Variants in PGM5 observed in about 807,000 individuals in gnomAD.
PGM5 encodes the protein phosphoglucomutase 5, also known as phosphoglucomutase-like protein 5.
PGM5 carries 23 observed loss-of-function variants against 59.2 expected under a neutral mutation model. The observed-to-expected ratio is 0.39, with a 90% CI of 0.28 to 0.55. The LOEUF (loss-of-function observed/expected upper bound fraction) is 0.55. Among genes scored for constraint, PGM5 ranks in the 20% least tolerant of loss-of-function variants. The pLI is 0.66. For missense variants in PGM5, 574 were observed against 748.3 expected, an observed-to-expected ratio of 0.77 and a Z score of 2.72; for synonymous variants, 214 against 286.0, an observed-to-expected ratio of 0.75 and a Z score of 2.54.
Position 68,529,711 on chromosome 9 carries a change from C to A in PGM5, c.*55C>A. Reference sequence around the variant, plus strand: ...AGAGAGTGCTCAGCGGGAGATGCTTCACTGATGCCTTCTTGCTACCTGTTT... The same window carrying A: ...AGAGAGTGCTCAGCGGGAGATGCTTAACTGATGCCTTCTTGCTACCTGTTT... On this transcript the variant is annotated 3_prime_UTR_variant, in exon 11 of 11. Transcript: ENST00000396396. 1 of 1,063,362 alleles carries A rather than the reference C, an allele frequency of 9.4e-7. No homozygotes were observed. The highest frequency in any genetic ancestry group is 1.4e-6 in the Non-Finnish European group (1 of 735,082). The allele number at this position is 1,063,362 out of a possible 1,614,324, so 65.9% of individuals were successfully genotyped here. A position where few individuals can be genotyped will look rare whatever the true frequency, so the allele number is the denominator to read the frequency against.
chr9:68,359,741 T>C (rs1428253672), intron 1 of PGM5, among the ~76,000 whole-genome samples: 3 of 152,264 alleles, frequency 2.0e-5, no homozygotes, highest in African/African-American at 7.2e-5. Context: ...ATTTATTCTC[T>C]TTGAACTGAC....
At chr9:68,368,637 G>A (rs1834725504) in intron 1 of PGM5, among the ~76,000 whole-genome samples, 1 of 151,796 alleles carries the variant, frequency 6.6e-6, no homozygotes, top group African/African-American at 2.4e-5. Flanking sequence ...TTAGTTTTTA[G>A]GTTTTTTTTT....
intron 9 of PGM5, among the ~76,000 whole-genome samples, chr9:68,486,370 C>A (rs532608183): frequency 1.8e-4 from 28 of 152,218 alleles, no homozygotes; most frequent in African/African-American, 6.3e-4. Context: ...TCACCACAAC[C>A]AATTCAGAAC....
At chr9:68,361,104 A>G (rs4120148) in intron 1 of PGM5, among the ~76,000 whole-genome samples, 47,004 of 151,950 alleles carry the variant, frequency 0.31, 7,514 homozygotes, top group Admixed American at 0.36. Context: ...TTTTGTAGAG[A>G]TGGAGGTCTT....
intron 6 of PGM5, among the ~76,000 whole-genome samples, chr9:68,400,283 A>G (rs1443146888): frequency 2.0e-5 from 3 of 152,168 alleles, no homozygotes; most frequent in Non-Finnish European, 4.4e-5. Flanking sequence ...TAGAACACGC[A>G]TAATCTCCTG....
chr9:68,383,230 G>A (rs2131998921), intron 2 of PGM5, among the ~76,000 whole-genome samples: 1 of 152,064 alleles, frequency 6.6e-6, no homozygotes, highest in East Asian at 1.9e-4. Flanking sequence ...CTCTAAGGCA[G>A]CGTTGTCCAA....
At chr9:68,393,778 T>C (rs554648447) in intron 6 of PGM5, 58 of 152,168 alleles carry the variant, frequency 3.8e-4, no homozygotes, top group Non-Finnish European at 6.0e-4. Flanking sequence ...TACCCAAAAA[T>C]AATGGAGATG....
chr9:68,496,500 G>A (rs1824484917), intron 9 of PGM5, among the ~76,000 whole-genome samples: 1 of 152,166 alleles, frequency 6.6e-6, no homozygotes, highest in African/African-American at 2.4e-5. Context: ...AGATCTCATG[G>A]TTAGTTTCCT....
At chr9:68,366,967 T>C (rs1834691195) in intron 1 of PGM5, among the ~76,000 whole-genome samples, 1 of 152,206 alleles carries the variant, frequency 6.6e-6, no homozygotes, top group African/African-American at 2.4e-5. Context: ...GATGTGGTGA[T>C]CACAGTTGCT....
intron 9 of PGM5, among the ~76,000 whole-genome samples, chr9:68,485,176 T>A (rs1429333047): frequency 1.3e-5 from 2 of 152,216 alleles, no homozygotes; most frequent in African/African-American, 2.4e-5. Context: ...AGTGCTTGGA[T>A]ACCTTTTCCT....
chr9:68,378,091 T>C (rs1686603799), intron 1 of PGM5, 108 bp from the exon 2 acceptor site: 4 of 941,094 alleles, frequency 4.3e-6, no homozygotes, highest in Non-Finnish European at 6.0e-6. Context: ...CTACTCTGTT[T>C]CTTTTATCAA....
At chr9:68,499,896 A>G (rs1344643508) in intron 10 of PGM5, among the ~76,000 whole-genome samples, 2 of 152,226 alleles carry the variant, frequency 1.3e-5, no homozygotes, top group Non-Finnish European at 2.9e-5. Flanking sequence ...AAGTCTCCTC[A>G]TGTTTTCAAC....
chr9:68,508,873 G>T (rs1472949479), intron 10 of PGM5, among the ~76,000 whole-genome samples: 1 of 152,202 alleles, frequency 6.6e-6, no homozygotes, highest in Non-Finnish European at 1.5e-5. Flanking sequence ...CTTTGAAGTG[G>T]TGTCCTTCCT....
intron 8 of PGM5, among the ~76,000 whole-genome samples, chr9:68,481,511 C>T (rs189924475): frequency 1.3e-5 from 2 of 152,284 alleles, no homozygotes; most frequent in African/African-American, 4.8e-5. Flanking sequence ...TGTTCCAAAA[C>T]GTCCAACCTG....
At chr9:68,517,870 G>A (rs1161590893) in intron 10 of PGM5, among the ~76,000 whole-genome samples, 2 of 152,194 alleles carry the variant, frequency 1.3e-5, no homozygotes, top group Admixed American at 6.5e-5. Flanking sequence ...TAATAAAACA[G>A]TAACAAGAAC....
chr9:68,480,343 A>G (rs1824176531), intron 8 of PGM5, among the ~76,000 whole-genome samples: 1 of 152,218 alleles, frequency 6.6e-6, no homozygotes, highest in Non-Finnish European at 1.5e-5. Context: ...AAGATGCCTG[A>G]GCTGGCACCC....
At chr9:68,490,782 G>A (rs1295613639) in intron 9 of PGM5, among the ~76,000 whole-genome samples, 2 of 152,158 alleles carry the variant, frequency 1.3e-5, no homozygotes, top group Non-Finnish European at 2.9e-5. Context: ...TGGAAGTAGA[G>A]CCTCAGAAAT....
At chr9:68,374,514 T>C (rs1554677388) in intron 1 of PGM5, among the ~76,000 whole-genome samples, 2 of 148,730 alleles carry the variant, frequency 1.3e-5, no homozygotes, top group Non-Finnish European at 3.0e-5. Flanking sequence ...TTCTCACTGG[T>C]CCAGTATTAG....
chr9:68,481,668 T>C (rs1431710695), intron 8 of PGM5, among the ~76,000 whole-genome samples: 3 of 152,238 alleles, frequency 2.0e-5, no homozygotes, highest in Non-Finnish European at 4.4e-5. Flanking sequence ...TATAATGTAG[T>C]TTATTTTTTG....
Sources: allele counts gnomAD v4.1 joint callset (sites outside exome capture counted in the v4.1 genomes callset), GRCh38; gene constraint gnomAD v4.1.1; transcripts MANE v1.5; gene names NCBI Gene and HGNC (gene_info 2026-07-23, HGNC 2026-07-21).